The following DNAJB14 variants were observed in gnomAD, a reference collection of about 807,000 sequenced individuals.
DNAJB14 encodes dnaJ homolog subfamily B member 14.
DNAJB14 carries 22 observed loss-of-function variants against 48.4 expected under a neutral mutation model. The observed-to-expected ratio is 0.45, with a 90% CI of 0.32 to 0.65. DNAJB14 has a LOEUF of 0.65. Ranked by LOEUF, DNAJB14 falls within the 30% of genes least tolerant of loss-of-function variation. DNAJB14 has a pLI of 0.03. For synonymous variants in DNAJB14, 142 were observed against 158.7 expected, an observed-to-expected ratio of 0.89 and a Z score of 0.79; for missense variants, 319 against 458.8, an observed-to-expected ratio of 0.70 and a Z score of 2.78.
Position 99,908,760 on chromosome 4 carries a change from T to G in DNAJB14, c.588A>C (p.Ile196=), listed in dbSNP as rs750755329. Residue 196 remains isoleucine, a synonymous_variant, in exon 4 of 8, where the codon ATA becomes ATC. Coordinates refer to ENST00000442697, the MANE Select transcript of DNAJB14 (RefSeq NM_001031723.4). ...ATATATTAAACAAGTCTTCTGGAGT[T>G]ATATCAGCTTCACAACCTCTATGGA... is the stretch of plus-strand genomic sequence containing the variant. ...FNFHRGCEAD[I]TPEDLFNIFF... 5.0e-6 allele frequency: 8 copies of G among 1,610,000 alleles called. No homozygotes were observed. Among genetic ancestry groups the G allele is most frequent in the African/African-American group, 1.3e-5 (1 of 74,686 alleles).
At chr4:99,905,241 T>G (rs1164865021) in intron 6 of DNAJB14, among the ~76,000 whole-genome samples, 1 of 152,130 alleles carries the variant, frequency 6.6e-6, no homozygotes, top group African/African-American at 2.4e-5. Flanking sequence ...CATTTTCCCC[T>G]TAATGATATA....
chr4:99,935,825 T>G (rs1214089295), intron 1 of DNAJB14, among the ~76,000 whole-genome samples: 1 of 152,132 alleles, frequency 6.6e-6, no homozygotes, highest in Non-Finnish European at 1.5e-5. Context: ...CCCAGCACTT[T>G]AGGAGGCTGA....
chr4:99,930,910 AG>A (rs1483390503), intron 1 of DNAJB14, among the ~76,000 whole-genome samples: 1 of 152,230 alleles, frequency 6.6e-6, no homozygotes, highest in African/African-American at 2.4e-5. Flanking sequence ...AGATTACCAA[AG>A]AAAAAGAGGT....
At chr4:99,941,578 C>G (rs1726891782) in intron 1 of DNAJB14, among the ~76,000 whole-genome samples, 1 of 152,050 alleles carries the variant, frequency 6.6e-6, no homozygotes, top group Admixed American at 6.5e-5. Context: ...GTGTCATATA[C>G]CAGATAGATA....
At chr4:99,924,306 AT>A (rs11343224) in intron 2 of DNAJB14, 14,902 of 138,456 alleles carry the variant, frequency 0.11, 811 homozygotes, top group African/African-American at 0.16. Flanking sequence ...AAGAGACAAG[AT>A]TTTTTTTTTT....
intron 2 of DNAJB14, chr4:99,923,952 A>G (rs1490713826): frequency 1.2e-6 from 1 of 836,386 alleles, no homozygotes; most frequent in African/African-American, 1.8e-5. Flanking sequence ...TCATTGTGAT[A>G]AGCACATTTC....
At position 99,915,541 on chromosome 4, in the gene DNAJB14, A is replaced by G. The variant is rs140677688; in HGVS notation, c.452-6645T>C. 4.3e-3 allele frequency among the ~76,000 whole-genome samples: 652 copies of G among 152,246 alleles called. 3 individuals are homozygous for G. Among genetic ancestry groups the G allele is most frequent in the Admixed American group, 6.7e-3 (103 of 15,298 alleles). ...GTTTCCAAGGACTGGACGTTTTCCT[A>G]TTACCTTTGTGTAACTGATTTCCAC... is the stretch of plus-strand genomic sequence containing the variant. On this transcript the variant is annotated intron_variant, in intron 3 of 7. Transcript: ENST00000442697.
chr4:99,940,596 T>G (rs557510431), intron 1 of DNAJB14, among the ~76,000 whole-genome samples: 143 of 151,996 alleles, frequency 9.4e-4, no homozygotes, highest in Admixed American at 2.2e-3. Flanking sequence ...GTCTCAAAAA[T>G]AAATAAATAA....
At position 99,945,912 on chromosome 4, in the gene DNAJB14, A is replaced by G. The variant is rs568513167; in HGVS notation, c.133+527T>C. On this transcript the variant is annotated intron_variant, in intron 1 of 7. Transcript: ENST00000442697. ...CCGAAAGTGTGCTCTTCTCTTTTAAAGGAACTCTCTCCCAGGGAAAAGCAA... is the reference window on the plus strand; with the variant it reads ...CCGAAAGTGTGCTCTTCTCTTTTAAGGGAACTCTCTCCCAGGGAAAAGCAA... Among the ~76,000 whole-genome samples the G allele has an allele frequency of 2.0e-5, 3 of 152,350 alleles. No individual in the cohort carries two copies. The South Asian group carries it at 6.2e-4, about 32-fold the overall frequency.
At chr4:99,919,053 G>T (rs759712472) in intron 3 of DNAJB14, among the ~76,000 whole-genome samples, 4 of 152,154 alleles carry the variant, frequency 2.6e-5, no homozygotes, top group Admixed American at 6.5e-5. Context: ...CAGCACAGAG[G>T]GGGTGGTAGT....
chr4:99,935,352 A>C (rs191323240), intron 1 of DNAJB14, among the ~76,000 whole-genome samples: 2 of 152,312 alleles, frequency 1.3e-5, no homozygotes, highest in East Asian at 3.9e-4. Context: ...TACAGCAAAG[A>C]CTTTCTATCC....
chr4:99,906,104 C>T (rs1560731478), intron 5 of DNAJB14: 5 of 1,313,484 alleles, frequency 3.8e-6, no homozygotes, highest in Middle Eastern at 2.1e-4. Context: ...CTTTTAATTT[C>T]TAGTCTAGTG....
rs890233174 is a variant in DNAJB14, at chr4:99,937,985, C to T, written c.134-7364G>A. On this transcript the variant is annotated intron_variant, in intron 1 of 7. Coordinates refer to ENST00000442697, the MANE Select transcript of DNAJB14 (RefSeq NM_001031723.4). ...TAAACTCACTGGCCTAGGCCAGGCA[C>T]GGTGGCTCACGCCTGTAATCCCAAC... 8.9e-5 allele frequency among the ~76,000 whole-genome samples: 13 copies of T among 145,556 alleles called. No individual in the cohort carries two copies. In the East Asian group the frequency reaches 1.0e-3, roughly 11 times the overall value.
intron 5 of DNAJB14, chr4:99,906,070 G>A (rs1256886172): frequency 7.6e-6 from 10 of 1,316,646 alleles, no homozygotes; most frequent in East Asian, 5.0e-5. Flanking sequence ...GGGAGCTGAT[G>A]AGTGGCAAAG....
intron 3 of DNAJB14, among the ~76,000 whole-genome samples, chr4:99,915,087 G>A (rs759304515): frequency 1.1e-4 from 16 of 152,190 alleles, no homozygotes; most frequent in Non-Finnish European, 2.2e-4. Flanking sequence ...TAGAAGCATA[G>A]ATAACTGATT....
intron 2 of DNAJB14, chr4:99,926,737 A>G (rs1022365270): frequency 7.2e-5 from 11 of 152,056 alleles, no homozygotes; most frequent in African/African-American, 2.4e-4. Flanking sequence ...TGCCACAGAC[A>G]AACAAAAAAA....
intron 7 of DNAJB14, 136 bp downstream of exon 7, chr4:99,903,590 C>T: frequency 1.1e-6 from 1 of 878,544 alleles, no homozygotes; most frequent in Non-Finnish European, 1.7e-6. Context: ...ATATAAAACA[C>T]ATGATCTCAT....
intron 1 of DNAJB14, among the ~76,000 whole-genome samples, chr4:99,944,650 T>C (rs906574980): frequency 1.3e-5 from 2 of 151,784 alleles, no homozygotes; most frequent in Admixed American, 6.6e-5. Context: ...CTCGACTCAC[T>C]GTAACCTCCA....
chr4:99,904,358 A>T (rs1725394803), intron 6 of DNAJB14, among the ~76,000 whole-genome samples: 1 of 152,184 alleles, frequency 6.6e-6, no homozygotes. Context: ...GAATGATGCC[A>T]AACAACCACA....
Sources: gnomAD v4.1 joint callset for allele counts (sites outside exome capture counted in the v4.1 genomes callset) on GRCh38, gnomAD v4.1.1 for gene constraint, MANE v1.5 for transcripts, NCBI Gene and HGNC (gene_info 2026-07-23, HGNC 2026-07-21) for gene names.